CIBAR1: variants seen among roughly 807,000 people sequenced by gnomAD.
CIBAR1 encodes CBY1 interacting BAR domain containing 1, also known as CBY1-interacting BAR domain-containing protein 1.
Under a neutral mutation model 44.0 loss-of-function variants are expected in CIBAR1, and 25 were observed. The ratio of observed to expected loss-of-function variants is 0.57; its 90% CI spans 0.41 to 0.79. The LOEUF is 0.79. CIBAR1 is among the 30% of genes least tolerant of loss of function. The probability of loss-of-function intolerance (pLI) is 0.00; values close to 1 mark genes in which losing one functional copy is unlikely to be tolerated. For synonymous variants in CIBAR1, 115 were observed against 119.0 expected, an observed-to-expected ratio of 0.97 and a Z score of 0.22; for missense variants, 278 against 344.8, an observed-to-expected ratio of 0.81 and a Z score of 1.53.
chr8:93,726,679 T>C (rs1811523773), intron 8 of CIBAR1, 166 bp downstream of exon 8: 1 of 728,680 alleles, frequency 1.4e-6, no homozygotes, highest in South Asian at 1.7e-5. Flanking sequence ...TGCAGCTCTA[T>C]TATTTCTTAA....
intron 6 of CIBAR1, among the ~76,000 whole-genome samples, chr8:93,710,850 A>AAG (rs1403105514): frequency 2.0e-5 from 3 of 151,848 alleles, no homozygotes; most frequent in African/African-American, 7.3e-5. Context: ...AAAAAAAAAA[A>AAG]AAGAAATTAA....
intron 8 of CIBAR1, among the ~76,000 whole-genome samples, chr8:93,727,600 C>A (rs1169826657): frequency 6.6e-6 from 1 of 152,210 alleles, no homozygotes; most frequent in Non-Finnish European, 1.5e-5. Flanking sequence ...GCATCCCCCG[C>A]CTCTACCTAC....
At chr8:93,701,599 G>T (rs7816955) in intron 2 of CIBAR1, 141 bp downstream of exon 2, 21,662 of 700,584 alleles carry the variant, frequency 0.031, 1,954 homozygotes, top group African/African-American at 0.25. Context: ...TCATAAGACT[G>T]TGTGAGTCTA....
chr8:93,701,756 G>A, intron 2 of CIBAR1: 1 of 369,386 alleles, frequency 2.7e-6, no homozygotes, highest in South Asian at 3.8e-5. Context: ...TACCCAGGGG[G>A]AAGAAAATAA....
intron 7 of CIBAR1, among the ~76,000 whole-genome samples, chr8:93,725,290 T>A (rs1174475058): frequency 6.6e-6 from 1 of 152,210 alleles, no homozygotes; most frequent in African/African-American, 2.4e-5. Flanking sequence ...GCAGCATTGT[T>A]TTTATATATA....
chr8:93,712,846 C>G (rs1297970859), intron 6 of CIBAR1, among the ~76,000 whole-genome samples: 1 of 143,656 alleles, frequency 7.0e-6, no homozygotes, highest in Non-Finnish European at 1.5e-5. Context: ...CGAGGTCTCA[C>G]TATGTTGCCC....
chr8:93,704,639 A>T (rs1165611224), intron 3 of CIBAR1, among the ~76,000 whole-genome samples: 1 of 152,216 alleles, frequency 6.6e-6, no homozygotes, highest in Non-Finnish European at 1.5e-5. Context: ...CCACTACCGC[A>T]ATCAAAATTA....
At chr8:93,712,067 T>A (rs1448185679) in intron 6 of CIBAR1, among the ~76,000 whole-genome samples, 2 of 152,088 alleles carry the variant, frequency 1.3e-5, no homozygotes, top group Non-Finnish European at 1.5e-5. Context: ...AGAAGAAAAA[T>A]TTTTTAAAAG....
At chr8:93,709,134 G>A (rs1810718987) in intron 5 of CIBAR1, among the ~76,000 whole-genome samples, 1 of 152,106 alleles carries the variant, frequency 6.6e-6, no homozygotes, top group African/African-American at 2.4e-5. Flanking sequence ...CAAAAAATTA[G>A]CTGGGTGTGG....
chr8:93,707,577 T>C (rs918163881), intron 4 of CIBAR1, among the ~76,000 whole-genome samples: 10 of 151,592 alleles, frequency 6.6e-5, no homozygotes, highest in Middle Eastern at 3.4e-3. Context: ...TAGCACAAGG[T>C]TAACATGTAT....
At chr8:93,723,116 C>T (rs569016065) in intron 7 of CIBAR1, among the ~76,000 whole-genome samples, 6 of 152,324 alleles carry the variant, frequency 3.9e-5, no homozygotes, top group African/African-American at 1.2e-4. Context: ...CCTGCTTCAG[C>T]CTCCTGACTA....
Position 93,723,946 on chromosome 8 carries a change from A to G in CIBAR1, c.658-2448A>G, listed in dbSNP as rs575711217. 4.9e-4 allele frequency among the ~76,000 whole-genome samples: 74 copies of G among 152,184 alleles called. 1 individual carries two copies. Among genetic ancestry groups the G allele is most frequent in the Non-Finnish European group, 1.8e-4 (12 of 68,032 alleles). ...GCCACAAAAAGTTTTAGAATAGAGA[A>G]AGAGGCCAAGCGTGGTGGCTCACAC... On this transcript the variant is annotated intron_variant, in intron 7 of 8. Coordinates refer to ENST00000518322, the MANE Select transcript of CIBAR1 (RefSeq NM_145269.5).
At chr8:93,708,780 GAAGT>G (rs749961217) in intron 5 of CIBAR1, among the ~76,000 whole-genome samples, 1 of 152,134 alleles carries the variant, frequency 6.6e-6, no homozygotes, top group Non-Finnish European at 1.5e-5. Flanking sequence ...AGAACAAGTA[GAAGT>G]AAGCAAGGTA....
At chr8:93,722,582 C>G (rs1377263211) in intron 7 of CIBAR1, among the ~76,000 whole-genome samples, 1 of 152,062 alleles carries the variant, frequency 6.6e-6, no homozygotes, top group African/African-American at 2.4e-5. Context: ...CCTGTAATCC[C>G]AGCTACTCGA....
chr8:93,704,466 G>A (rs1232520183), intron 3 of CIBAR1, among the ~76,000 whole-genome samples: 1 of 152,152 alleles, frequency 6.6e-6, no homozygotes, highest in Non-Finnish European at 1.5e-5. Flanking sequence ...GATCTAACAA[G>A]AGGCAGAGCT....
intron 3 of CIBAR1, among the ~76,000 whole-genome samples, 175 bp downstream of exon 3, chr8:93,703,863 G>A (rs971872555): frequency 1.3e-5 from 2 of 151,910 alleles, no homozygotes; most frequent in Non-Finnish European, 1.5e-5. Flanking sequence ...AGGAGTTTGA[G>A]ACCAGCCTGG....
At chr8:93,724,587 A>G in intron 7 of CIBAR1, 1 of 1,272,082 alleles carries the variant, frequency 7.9e-7, no homozygotes, top group Non-Finnish European at 1.0e-6. Context: ...TGGCCTCCCA[A>G]AGTGTCAGGT....
In CIBAR1 at chr8:93,701,459, G is replaced by A; in HGVS notation, c.261+1G>A. ...ACTTCAGGATTATCGACAAGCAGAG[G>A]TATGGAGTGAGATCACAGTGTCATT... On this transcript the variant is annotated splice_donor_variant, in intron 2 of 8. Coordinates refer to ENST00000518322, the MANE Select transcript of CIBAR1 (RefSeq NM_145269.5). LOFTEE classifies it high-confidence loss of function. 6.2e-7 allele frequency: 1 copy of A among 1,611,730 alleles called. No individual in the cohort carries two copies. The highest frequency in any genetic ancestry group is 8.5e-7 in the Non-Finnish European group (1 of 1,178,696).
chr8:93,726,314 A>C, intron 7 of CIBAR1, 80 bp from the exon 8 acceptor site: 3 of 1,306,152 alleles, frequency 2.3e-6, no homozygotes, highest in Non-Finnish European at 3.1e-6. Context: ...TTAAAAAAAA[A>C]TCTTAACTAA....
Sources: allele counts gnomAD v4.1 joint callset (sites outside exome capture counted in the v4.1 genomes callset), GRCh38; gene constraint gnomAD v4.1.1; transcripts MANE v1.5; gene names NCBI Gene and HGNC (gene_info 2026-07-23, HGNC 2026-07-21).